The following TRAPPC11 variants were observed in gnomAD, a reference collection of about 807,000 sequenced individuals.
The protein encoded by TRAPPC11 is trafficking protein particle complex subunit 11.
TRAPPC11 carries 104 observed loss-of-function variants against 151.2 expected under a neutral mutation model. The observed-to-expected ratio is 0.69, with a 90% CI of 0.59 to 0.81. TRAPPC11 has a LOEUF of 0.81. Among genes scored for constraint, TRAPPC11 ranks in the 30% least tolerant of loss-of-function variants. TRAPPC11 has a pLI of 0.00. For synonymous variants in TRAPPC11, 456 were observed against 472.3 expected, an observed-to-expected ratio of 0.97 and a Z score of 0.45; for missense variants, 1,230 against 1,349.6, an observed-to-expected ratio of 0.91 and a Z score of 1.39.
In TRAPPC11 at chr4:183,692,943, C is replaced by CT. The variant is rs1554009862; in HGVS notation, c.2050-9dup. The CT allele has an allele frequency of 1.8e-5, 28 of 1,583,244 alleles. No individual in the cohort carries two copies. The highest frequency in any genetic ancestry group is 1.6e-4 in the East Asian group (7 of 44,150). On this transcript the variant is annotated splice_polypyrimidine_tract_variant and intron_variant, in intron 19 of 29. Coordinates refer to ENST00000334690, the MANE Select transcript of TRAPPC11 (RefSeq NM_021942.6). ...CATATGAGATGACATTTCCAACATCCTTTTTTTTCTTTTTAGATTACTTCA... is the reference window on the plus strand; with the variant it reads ...CATATGAGATGACATTTCCAACATCCTTTTTTTTTCTTTTTAGATTACTTCA...
rs904866257 is a variant in TRAPPC11 at position 183,661,622 on chromosome 4, C to G, written c.-22+2175C>G. On this transcript the variant is annotated intron_variant, in intron 1 of 29. Coordinates refer to ENST00000334690, the MANE Select transcript of TRAPPC11 (RefSeq NM_021942.6). ...TCCTGACCTTGTGATCCGCCCGCCT[C>G]GGCCTCCCAAAGTGCTGGGATTACA... Among the ~76,000 whole-genome samples the G allele has an allele frequency of 5.3e-5, 8 of 151,736 alleles. No individual in the cohort carries two copies. The East Asian group carries it at 1.6e-3, about 30-fold the overall frequency.
Position 183,706,927 on chromosome 4 carries a change from C to G in TRAPPC11, c.3176C>G (p.Ser1059Ter). 1 of 1,614,040 alleles carries G rather than the reference C, an allele frequency of 6.2e-7. No individual in the cohort carries two copies. Among genetic ancestry groups the G allele is most frequent in the Non-Finnish European group, 8.5e-7 (1 of 1,179,970 alleles). Residue 1059 changes from serine (S) to a stop codon, truncating the protein, a stop_gained, in exon 28 of 30, where the codon TCA (serine) becomes TGA (stop). Transcript: ENST00000334690. LOFTEE classifies it high-confidence loss of function. ...SVEPSDAFMF[S>*]GLKQIRLRIL... ...GAGCCCAGTGATGCCTTCATGTTCTCAGGTCTCAAACAGGTACAGGTCATA... is the reference window on the plus strand; with the variant it reads ...GAGCCCAGTGATGCCTTCATGTTCTGAGGTCTCAAACAGGTACAGGTCATA...
intron 19 of TRAPPC11, 30 bp downstream of exon 19, chr4:183,691,501 T>G: frequency 7.6e-7 from 1 of 1,310,102 alleles, no homozygotes; most frequent in Non-Finnish European, 1.0e-6. Flanking sequence ...TTAAAATATT[T>G]TTAATAATAA....
At position 183,678,200 on chromosome 4, in the gene TRAPPC11, G is replaced by C. The variant is rs559189864; in HGVS notation, c.831+646G>C. Among the ~76,000 whole-genome samples the C allele has an allele frequency of 1.1e-4, 17 of 152,258 alleles. No individual in the cohort carries two copies. The South Asian group carries it at 3.5e-3, about 32-fold the overall frequency. ...GATCCACCTGTCTCGGCCTCCCAAA[G>C]TGCTGGAATTACGGGTGTGAGCCAC... On this transcript the variant is annotated intron_variant, in intron 8 of 29. Coordinates refer to ENST00000334690, the MANE Select transcript of TRAPPC11 (RefSeq NM_021942.6).
chr4:183,697,725 T>TG lies in TRAPPC11; in HGVS notation c.2742dup (p.Thr915AspfsTer17), dbSNP rs1233485555. ...TATGCTGACATCCCCTTTCTGTTGA[T>TG]GACGGACCTCTTAAGTGCCTCACCC... is the stretch of plus-strand genomic sequence containing the variant. On this transcript the variant is annotated frameshift_variant, in exon 25 of 30. Coordinates refer to ENST00000334690, the MANE Select transcript of TRAPPC11 (RefSeq NM_021942.6). LOFTEE classifies it high-confidence loss of function. 6.2e-7 allele frequency: 1 copy of TG among 1,614,216 alleles called. No individual in the cohort carries two copies. The highest frequency in any genetic ancestry group is 2.2e-5 in the East Asian group (1 of 44,886).
intron 19 of TRAPPC11, among the ~76,000 whole-genome samples, chr4:183,692,180 A>G (rs1277475059): frequency 6.6e-6 from 1 of 152,182 alleles, no homozygotes; most frequent in East Asian, 1.9e-4. Flanking sequence ...TAGTTAATGT[A>G]ACTTGCTTGG....
intron 23 of TRAPPC11, among the ~76,000 whole-genome samples, chr4:183,697,055 G>A (rs957066792): frequency 6.6e-6 from 1 of 152,144 alleles, no homozygotes; most frequent in African/African-American, 2.4e-5. Flanking sequence ...CAGGTGCTGT[G>A]GTTCACTCCT....
chr4:183,665,353 C>T (rs1425730658), intron 2 of TRAPPC11, among the ~76,000 whole-genome samples: 2 of 152,090 alleles, frequency 1.3e-5, no homozygotes, highest in Non-Finnish European at 2.9e-5. Flanking sequence ...CTTGGCCTCC[C>T]AAAGTGCTGG....
intron 5 of TRAPPC11, among the ~76,000 whole-genome samples, chr4:183,670,341 G>A (rs1429937034): frequency 6.6e-6 from 1 of 152,208 alleles, no homozygotes; most frequent in African/African-American, 2.4e-5. Context: ...GCAAAATACA[G>A]GAGTTGTCCA....
rs145025327 is a variant in TRAPPC11 at position 183,695,074 on chromosome 4, G to C, written c.2628+351G>C. ...AGCGATTCTCCTGCCTCAGCCTCCC[G>C]AGTAGCTGGGATTACAGGCATGCAC... On this transcript the variant is annotated intron_variant, in intron 23 of 29. Transcript: ENST00000334690. Among the ~76,000 whole-genome samples the C allele has an allele frequency of 2.7e-5, 4 of 150,570 alleles. No homozygotes were observed. The East Asian group carries it at 7.9e-4, about 30-fold the overall frequency.
At chr4:183,686,538 G>C in intron 17 of TRAPPC11, 80 bp from the exon 18 acceptor site, 1 of 1,531,320 alleles carries the variant, frequency 6.5e-7, no homozygotes, top group Non-Finnish European at 8.9e-7. Context: ...TCTTTCTGAA[G>C]AATCAATTTG....
intron 7 of TRAPPC11, 146 bp downstream of exon 7, chr4:183,675,383 G>A (rs1735362375): frequency 2.4e-6 from 1 of 413,842 alleles, no homozygotes; most frequent in Non-Finnish European, 4.3e-6. Flanking sequence ...GATGAATGGA[G>A]TATAATATTT....
At chr4:183,710,382 G>A (rs1000380004) in intron 29 of TRAPPC11, among the ~76,000 whole-genome samples, 1 of 151,760 alleles carries the variant, frequency 6.6e-6, no homozygotes. Context: ...TGCCTCCTGG[G>A]TTCACGCCAT....
At chr4:183,706,996 A>G in intron 28 of TRAPPC11, 56 bp downstream of exon 28, 2 of 1,591,360 alleles carry the variant, frequency 1.3e-6, no homozygotes, top group Non-Finnish European at 1.7e-6. Flanking sequence ...CAGGAAACGG[A>G]GAGCTGTACC....
Position 183,694,661 on chromosome 4 carries a change from T to C in TRAPPC11, c.2566T>C (p.Tyr856His). The C allele has an allele frequency of 6.2e-7, 1 of 1,612,368 alleles. No individual in the cohort carries two copies. Among genetic ancestry groups the C allele is most frequent in the Non-Finnish European group, 8.5e-7 (1 of 1,179,534 alleles). Reference protein sequence around the residue: ...GTVGSRMFLVYVSYLINTTVE... With the variant: ...GTVGSRMFLVHVSYLINTTVE... ...AGTGGGTTCCAGAATGTTTCTTGTA[T>C]ATGTTTCTTACCTGATAAATACAAC... The change falls in exon 23 of 30, where the codon TAT (tyrosine) becomes CAT (histidine). Residue 856 changes from tyrosine to histidine, a missense_variant. Coordinates refer to ENST00000334690, the MANE Select transcript of TRAPPC11 (RefSeq NM_021942.6).
rs1737425144 is a variant in TRAPPC11, at chr4:183,713,568, A to C, written c.*924A>C. The C allele has an allele frequency of 6.6e-6, 1 of 152,668 alleles. No homozygotes were observed. The highest frequency in any genetic ancestry group is 2.1e-4 in the South Asian group (1 of 4,834). The allele number at this position is 152,668 out of a possible 1,614,324, so 9.5% of individuals were successfully genotyped here. A position where few individuals can be genotyped will look rare whatever the true frequency, so the allele number is the denominator to read the frequency against. ...CATTGTAAAAAGGAAATAGTGATGT[A>C]AATAAACATGTTCTCTTTCAAGTAT... On this transcript the variant is annotated 3_prime_UTR_variant, in exon 30 of 30. Transcript: ENST00000334690.
At chr4:183,669,323 G>A (rs1476612212) in intron 5 of TRAPPC11, among the ~76,000 whole-genome samples, 1 of 152,096 alleles carries the variant, frequency 6.6e-6, no homozygotes, top group African/African-American at 2.4e-5. Context: ...AGGGGCAGCT[G>A]GTAGCACACT....
At chr4:183,685,593 T>C (rs1735925032) in intron 17 of TRAPPC11, among the ~76,000 whole-genome samples, 190 bp downstream of exon 17, 1 of 152,236 alleles carries the variant, frequency 6.6e-6, no homozygotes. Flanking sequence ...AATACTTGAC[T>C]TATGTTTTAA....
chr4:183,712,724 T>G lies in TRAPPC11; in HGVS notation c.*80T>G. 6 of 1,415,770 alleles carry G rather than the reference T, an allele frequency of 4.2e-6. No homozygotes were observed. The highest frequency in any genetic ancestry group is 6.0e-6 in the Non-Finnish European group (6 of 1,005,562). The allele number at this position is 1,415,770 out of a possible 1,614,324, so 87.7% of individuals were successfully genotyped here. ...GGTGTTTCATTGTGAACTCTAGCTT[T>G]GATCATGGTAAAAAGTTAACCTTTT... On this transcript the variant is annotated 3_prime_UTR_variant, in exon 30 of 30. Transcript: ENST00000334690.
Sources: allele counts gnomAD v4.1 joint callset (sites outside exome capture counted in the v4.1 genomes callset), GRCh38; gene constraint gnomAD v4.1.1; transcripts MANE v1.5; gene names NCBI Gene and HGNC (gene_info 2026-07-23, HGNC 2026-07-21).